The following ERC2 variants were observed in gnomAD, a reference collection of about 807,000 sequenced individuals.
The protein encoded by ERC2 is ELKS/RAB6-interacting/CAST family member 2, also known as ERC protein 2.
ERC2 carries 42 observed loss-of-function variants against 114.8 expected under a neutral mutation model. That is an observed-to-expected ratio of 0.37 (90% CI 0.29 to 0.47). The LOEUF (loss-of-function observed/expected upper bound fraction) is 0.47. Among genes scored for constraint, ERC2 ranks in the 20% least tolerant of loss-of-function variants. The pLI is 0.99. For synonymous variants in ERC2, 454 were observed against 425.5 expected (o/e 1.07, Z -0.82); for missense variants, 939 against 1,150.7 (o/e 0.82, Z 2.66).
At chr3:56,179,869 A>C (rs1057390222) in intron 3 of ERC2, among the ~76,000 whole-genome samples, 1 of 152,132 alleles carries the variant, frequency 6.6e-6, no homozygotes, top group African/African-American at 2.4e-5. Flanking sequence ...TGAGGGGAGA[A>C]GTAAGAACTA....
At chr3:56,020,587 G>A (rs562947885) in intron 7 of ERC2, among the ~76,000 whole-genome samples, 1 of 152,300 alleles carries the variant, frequency 6.6e-6, no homozygotes, top group East Asian at 1.9e-4. Flanking sequence ...ATGTCAGAAT[G>A]ATACTGGTTA....
intron 9 of ERC2, among the ~76,000 whole-genome samples, chr3:56,008,902 A>C (rs2072704651): frequency 6.6e-6 from 1 of 152,178 alleles, no homozygotes; most frequent in South Asian, 2.1e-4. Flanking sequence ...AATTTTGAAA[A>C]TGCCTAGCCT....
chr3:55,978,522 T>C (rs1459777049), intron 12 of ERC2, among the ~76,000 whole-genome samples: 1 of 152,228 alleles, frequency 6.6e-6, no homozygotes. Flanking sequence ...TTCTCTCTCG[T>C]ATCAACTCCC....
At chr3:56,173,546 G>C (rs1457467051) in intron 3 of ERC2, 26 bp from the exon 4 acceptor site, 4 of 1,608,866 alleles carry the variant, frequency 2.5e-6, no homozygotes, top group Middle Eastern at 1.7e-4. Context: ...ATAGAAATAA[G>C]CCTGACGGTT....
At chr3:56,180,614 C>T (rs896973867) in intron 3 of ERC2, among the ~76,000 whole-genome samples, 14 of 152,094 alleles carry the variant, frequency 9.2e-5, no homozygotes, top group Admixed American at 4.6e-4. Context: ...ACAAACTTAT[C>T]GAAATAGAAA....
rs147873730 is a variant in ERC2, at chr3:56,298,672, A to G, written c.658-2237T>C. Among the ~76,000 whole-genome samples, 29 of 146,642 alleles carry G rather than the reference A, an allele frequency of 2.0e-4. No homozygotes were observed. The East Asian group carries it at 5.9e-3, about 30-fold the overall frequency. On this transcript the variant is annotated intron_variant, in intron 2 of 17. Transcript: ENST00000288221. ...ATGTCCAGAATAAACATATCCATAG[A>G]TGGAGAATAAATTAGTGATTGCTGG... is the stretch of plus-strand genomic sequence containing the variant.
chr3:56,231,033 T>A (rs894083659), intron 3 of ERC2, among the ~76,000 whole-genome samples: 2 of 152,266 alleles, frequency 1.3e-5, no homozygotes, highest in African/African-American at 4.8e-5. Flanking sequence ...AAGTAGGAAC[T>A]ATTATTACTC....
intron 17 of ERC2, among the ~76,000 whole-genome samples, chr3:55,513,253 G>A (rs1372210408): frequency 3.3e-5 from 5 of 152,218 alleles, no homozygotes; most frequent in South Asian, 2.1e-4. Context: ...CCCTGAGAAT[G>A]CAGGACTGAT....
chr3:56,019,048 A>G lies in ERC2; in HGVS notation c.1642-17T>C. 3.8e-6 allele frequency: 6 copies of G among 1,584,212 alleles called. No homozygotes were observed. Among genetic ancestry groups the G allele is most frequent in the Middle Eastern group, 1.7e-4 (1 of 6,000 alleles). ...GTTTTCAATCTAAAAATAAAAATCA[A>G]TATTTTAATGCATATTTGATTACAT... On this transcript the variant is annotated splice_polypyrimidine_tract_variant and intron_variant, in intron 7 of 17. Transcript: ENST00000288221.
At chr3:56,032,177 A>G (rs1361388125) in intron 7 of ERC2, among the ~76,000 whole-genome samples, 3 of 152,348 alleles carry the variant, frequency 2.0e-5, no homozygotes, top group Middle Eastern at 3.4e-3. Flanking sequence ...CACCAGCATC[A>G]TGCTTCTTGT....
At chr3:55,940,262 T>C (rs1576288773) in intron 13 of ERC2, among the ~76,000 whole-genome samples, 1 of 152,050 alleles carries the variant, frequency 6.6e-6, no homozygotes, top group East Asian at 1.9e-4. Context: ...AGGGCCTTAC[T>C]TCAATACAAG....
intron 3 of ERC2, among the ~76,000 whole-genome samples, chr3:56,259,547 G>A (rs557269299): frequency 3.3e-5 from 5 of 151,994 alleles, no homozygotes; most frequent in Non-Finnish European, 7.4e-5. Context: ...ACAGGTATGG[G>A]GGAGGAAACG....
At chr3:55,816,391 T>C (rs2059906093) in intron 14 of ERC2, among the ~76,000 whole-genome samples, 2 of 152,198 alleles carry the variant, frequency 1.3e-5, no homozygotes, top group Admixed American at 1.3e-4. Flanking sequence ...CTGTGACCCA[T>C]GTGGCCCCAC....
intron 3 of ERC2, among the ~76,000 whole-genome samples, chr3:56,249,624 C>T (rs149864741): frequency 6.6e-6 from 1 of 152,076 alleles, no homozygotes; most frequent in Non-Finnish European, 1.5e-5. Flanking sequence ...CCGTGCCCGG[C>T]CTAATTCACC....
intron 3 of ERC2, among the ~76,000 whole-genome samples, chr3:56,219,880 A>T (rs1035722908): frequency 1.3e-5 from 2 of 152,150 alleles, no homozygotes; most frequent in African/African-American, 4.8e-5. Context: ...AATTTTTTTC[A>T]TCTCGCTGGG....
At chr3:55,950,677 T>C (rs1256377543) in intron 12 of ERC2, 117 bp from the exon 13 acceptor site, 4 of 1,095,650 alleles carry the variant, frequency 3.7e-6, no homozygotes, top group African/African-American at 1.6e-5. Flanking sequence ...GGGAAAAAGA[T>C]GATACTTCTG....
intron 3 of ERC2, among the ~76,000 whole-genome samples, chr3:56,258,581 G>C (rs34516556): frequency 6.6e-6 from 1 of 152,206 alleles, no homozygotes; most frequent in Non-Finnish European, 1.5e-5. Context: ...GTGAACCCGG[G>C]AGGCGGAGCT....
At chr3:56,376,582 G>A (rs1203450998) in intron 2 of ERC2, among the ~76,000 whole-genome samples, 1 of 152,012 alleles carries the variant, frequency 6.6e-6, no homozygotes, top group East Asian at 1.9e-4. Flanking sequence ...GACCAACATG[G>A]TGAAACCCTG....
rs764642262 is a variant in ERC2 at position 56,080,946 on chromosome 3, A to C, written c.1512T>G (p.Ser504=). 6.2e-7 allele frequency: 1 copy of C among 1,613,434 alleles called. No homozygotes were observed. Among genetic ancestry groups the C allele is most frequent in the South Asian group, 1.1e-5 (1 of 91,022 alleles). ...GCTGTTTTGTTTTTTTATTGAGGAA[A>C]GATTCTTTTTCTTCCAGTCGTAATC... ...ALRLRLEEKE[S]FLNKKTKQLQ... Residue 504 remains serine, a synonymous_variant, in exon 7 of 18, where the codon TCT becomes TCG. Coordinates refer to ENST00000288221, the MANE Select transcript of ERC2 (RefSeq NM_015576.3).
Sources: gnomAD v4.1 joint callset for allele counts (sites outside exome capture counted in the v4.1 genomes callset) on GRCh38, gnomAD v4.1.1 for gene constraint, MANE v1.5 for transcripts, NCBI Gene and HGNC (gene_info 2026-07-23, HGNC 2026-07-21) for gene names.